RBFOX1: variants seen among roughly 807,000 people sequenced by gnomAD.
RBFOX1 encodes the protein RNA binding protein fox-1 homolog 1.
Under a neutral mutation model 57.7 loss-of-function variants are expected in RBFOX1, and 8 were observed. The ratio of observed to expected loss-of-function variants is 0.14; its 90% CI spans 0.08 to 0.25. RBFOX1 has a LOEUF of 0.25. RBFOX1 is among the 10% of genes least tolerant of loss of function. The pLI, the probability that RBFOX1 is intolerant of heterozygous loss-of-function variation, is 1.00. For missense variants in RBFOX1, 611 were observed against 548.5 expected, an observed-to-expected ratio of 1.11 and a Z score of -1.14; for synonymous variants, 326 against 222.4, an observed-to-expected ratio of 1.47 and a Z score of -4.15.
At chr16:7,018,264 C>A (rs574817596) in intron 3 of RBFOX1, among the ~76,000 whole-genome samples, 1 of 152,194 alleles carries the variant, frequency 6.6e-6, no homozygotes, top group Non-Finnish European at 1.5e-5. Flanking sequence ...CCTCCAGCTT[C>A]TCCTTATGCA....
At chr16:6,982,536 C>T (rs188020865) in intron 3 of RBFOX1, among the ~76,000 whole-genome samples, 2 of 152,302 alleles carry the variant, frequency 1.3e-5, no homozygotes, top group African/African-American at 2.4e-5. Context: ...CTCTGTTCAT[C>T]ATCCTTTTGA....
At chr16:5,516,745 A>G (rs115783839) in intron 2 of RBFOX1, among the ~76,000 whole-genome samples, 2,738 of 152,048 alleles carry the variant, frequency 0.018, 76 homozygotes, top group African/African-American at 0.063. Flanking sequence ...TGTTCTCGAG[A>G]TAGTGAGTTC....
chr16:7,656,891 G>A (rs1235280850), intron 12 of RBFOX1, among the ~76,000 whole-genome samples: 2 of 152,126 alleles, frequency 1.3e-5, no homozygotes, highest in East Asian at 3.9e-4. Context: ...AAGAAATATG[G>A]GGTATATATA....
At chr16:5,859,498 A>T (rs1051782475) in intron 3 of RBFOX1, among the ~76,000 whole-genome samples, 11 of 152,216 alleles carry the variant, frequency 7.2e-5, no homozygotes. Flanking sequence ...ACGTATAAAG[A>T]TCAGGCATTT....
At chr16:6,232,733 G>C (rs539564030) in intron 1 of RBFOX1, among the ~76,000 whole-genome samples, 1 of 152,252 alleles carries the variant, frequency 6.6e-6, no homozygotes, top group South Asian at 2.1e-4. Context: ...TTCTCTTAAT[G>C]CTTTTCCAAA....
intron 1 of RBFOX1, among the ~76,000 whole-genome samples, chr16:5,445,273 G>A (rs2068206832): frequency 6.6e-6 from 1 of 152,192 alleles, no homozygotes; most frequent in Non-Finnish European, 1.5e-5. Context: ...CATGGTATTT[G>A]ATGAAGGTGA....
chr16:7,334,984 T>C (rs1408936152), intron 4 of RBFOX1, among the ~76,000 whole-genome samples: 1 of 152,218 alleles, frequency 6.6e-6, no homozygotes, highest in Non-Finnish European at 1.5e-5. Context: ...TCTCCTTTCT[T>C]TCTCACTGCT....
intron 3 of RBFOX1, among the ~76,000 whole-genome samples, chr16:6,955,253 GAAA>G (rs557778632): frequency 1.3e-5 from 2 of 151,616 alleles, no homozygotes; most frequent in Admixed American, 6.6e-5. Context: ...AAGAAAAAAA[GAAA>G]AAAAGAAATT....
chr16:6,263,659 C>CT (rs1412775218), intron 1 of RBFOX1, among the ~76,000 whole-genome samples: 17 of 152,154 alleles, frequency 1.1e-4, no homozygotes, highest in African/African-American at 2.4e-4. Flanking sequence ...GTGTCTGCTC[C>CT]TTTCCTAGTT....
chr16:5,307,075 G>A (rs1259550617), intron 1 of RBFOX1, among the ~76,000 whole-genome samples: 4 of 152,014 alleles, frequency 2.6e-5, no homozygotes, highest in African/African-American at 9.7e-5. Context: ...GGGTGGAGTG[G>A]GGGAGCAGGA....
intron 2 of RBFOX1, among the ~76,000 whole-genome samples, chr16:6,339,986 C>A (rs895423848): frequency 6.6e-6 from 1 of 152,080 alleles, no homozygotes; most frequent in Admixed American, 6.6e-5. Flanking sequence ...CCATCTTAAG[C>A]AATTCTTAAA....
At chr16:6,430,983 A>T (rs1201224830) in intron 2 of RBFOX1, among the ~76,000 whole-genome samples, 3 of 151,106 alleles carry the variant, frequency 2.0e-5, no homozygotes, top group Non-Finnish European at 4.4e-5. Flanking sequence ...AAAAAAAAAA[A>T]AAAAATTAGC....
intron 4 of RBFOX1, among the ~76,000 whole-genome samples, chr16:7,515,135 C>T (rs1323545004): frequency 2.0e-5 from 3 of 152,168 alleles, no homozygotes; most frequent in African/African-American, 7.2e-5. Flanking sequence ...AAGATCCCAA[C>T]ATTTCTGGGG....
intron 1 of RBFOX1, among the ~76,000 whole-genome samples, chr16:5,381,135 G>C (rs1029618056): frequency 6.6e-6 from 1 of 152,166 alleles, no homozygotes; most frequent in Non-Finnish European, 1.5e-5. Context: ...AGGGACTGAG[G>C]AATCAGAAGA....
chr16:6,619,392 G>T (rs201627580), intron 2 of RBFOX1, among the ~76,000 whole-genome samples: 2 of 152,138 alleles, frequency 1.3e-5, no homozygotes, highest in East Asian at 3.9e-4. Flanking sequence ...CACATAAAAG[G>T]TGGGAGGGCT....
At chr16:7,684,647 G>C (rs935924350) in intron 14 of RBFOX1, among the ~76,000 whole-genome samples, 15 of 151,762 alleles carry the variant, frequency 9.9e-5, no homozygotes, top group African/African-American at 3.4e-4. Flanking sequence ...ATGATTGTTA[G>C]ATGCTTCTAA....
intron 1 of RBFOX1, among the ~76,000 whole-genome samples, chr16:5,345,690 G>A (rs551809488): frequency 2.0e-5 from 3 of 152,142 alleles, no homozygotes; most frequent in African/African-American, 7.2e-5. Flanking sequence ...ATCTCTTTCC[G>A]ATGCATGGGA....
At chr16:6,332,434 A>G (rs1284246018) in intron 2 of RBFOX1, among the ~76,000 whole-genome samples, 1 of 152,246 alleles carries the variant, frequency 6.6e-6, no homozygotes, top group African/African-American at 2.4e-5. Flanking sequence ...GAAAGGTTGG[A>G]TAGCAATTGT....
intron 1 of RBFOX1, among the ~76,000 whole-genome samples, chr16:6,211,703 C>G (rs745625254): frequency 7.9e-5 from 12 of 152,006 alleles, no homozygotes; most frequent in Admixed American, 5.9e-4. Context: ...TTTAGGATAG[C>G]TATTAAAAAT....
Sources: gnomAD v4.1 joint callset for allele counts (sites outside exome capture counted in the v4.1 genomes callset) on GRCh38, gnomAD v4.1.1 for gene constraint, MANE v1.5 for transcripts, NCBI Gene and HGNC (gene_info 2026-07-23, HGNC 2026-07-21) for gene names.